Variants in FSIP1 observed in about 807,000 individuals in gnomAD.
FSIP1 encodes the protein fibrous sheath-interacting protein 1.
FSIP1 carries 65 observed loss-of-function variants against 60.9 expected under a neutral mutation model. The ratio of observed to expected loss-of-function variants is 1.07; its 90% confidence interval spans 0.87 to 1.31. The LOEUF (loss-of-function observed/expected upper bound fraction) is 1.31. Among genes scored for constraint, FSIP1 ranks in the 40% most tolerant of loss-of-function variants. FSIP1 has a pLI of 0.00. For missense variants in FSIP1, 675 were observed against 665.5 expected (o/e 1.01, Z -0.16); for synonymous variants, 209 against 221.2 (o/e 0.94, Z 0.49).
At chr15:39,696,768 G>C (rs1211291455) in intron 10 of FSIP1, among the ~76,000 whole-genome samples, 1 of 151,902 alleles carries the variant, frequency 6.6e-6, no homozygotes, top group Non-Finnish European at 1.5e-5. Context: ...AATGTATGTA[G>C]AATATGATCC....
intron 9 of FSIP1, among the ~76,000 whole-genome samples, chr15:39,721,976 C>T (rs1489008589): frequency 6.6e-6 from 1 of 152,170 alleles, no homozygotes; most frequent in East Asian, 1.9e-4. Context: ...GCTCCTGACC[C>T]CCCAGGCCAT....
chr15:39,748,508 G>A (rs1041168837), intron 5 of FSIP1, among the ~76,000 whole-genome samples: 4 of 152,020 alleles, frequency 2.6e-5, no homozygotes, highest in African/African-American at 9.7e-5. Context: ...AGCAAACTTG[G>A]CCCCTGGCAT....
At position 39,763,807 on chromosome 15, in the gene FSIP1, C is replaced by G; in HGVS notation, c.559+14G>C. 1 of 1,328,040 alleles carries G rather than the reference C, an allele frequency of 7.5e-7. No homozygotes were observed. Among genetic ancestry groups the G allele is most frequent in the Non-Finnish European group, 1.1e-6 (1 of 927,866 alleles). The allele number at this position is 1,328,040 out of a possible 1,614,324, so 82.3% of individuals were successfully genotyped here. On this transcript the variant is annotated intron_variant, in intron 5 of 11. Transcript: ENST00000350221. ...AGATAAAAACAAAGTTGAATGACAT[C>G]TCCATCTACTCACCAACAGTTTCTT...
chr15:39,666,861 A>G (rs998189838), intron 10 of FSIP1, among the ~76,000 whole-genome samples: 5 of 152,226 alleles, frequency 3.3e-5, no homozygotes, highest in African/African-American at 1.2e-4. Flanking sequence ...TTCCTATAAA[A>G]ATAGATGTCC....
chr15:39,656,533 G>C (rs1893077061), intron 10 of FSIP1, among the ~76,000 whole-genome samples: 1 of 152,186 alleles, frequency 6.6e-6, no homozygotes, highest in Non-Finnish European at 1.5e-5. Flanking sequence ...CTCTGACTCT[G>C]CCACTTACTA....
intron 10 of FSIP1, among the ~76,000 whole-genome samples, chr15:39,711,975 C>A (rs973953145): frequency 4.6e-5 from 7 of 152,048 alleles, no homozygotes; most frequent in African/African-American, 1.7e-4. Context: ...GCGTGAGCCA[C>A]CGCACCCAGC....
intron 3 of FSIP1, 106 bp from the exon 4 acceptor site, chr15:39,765,852 T>C (rs1897667427): frequency 5.0e-6 from 3 of 597,424 alleles, no homozygotes; most frequent in Non-Finnish European, 8.6e-6. Flanking sequence ...TTATAGCTGA[T>C]AGTAATAACT....
At chr15:39,738,012 T>C (rs1396815857) in intron 8 of FSIP1, 79 bp downstream of exon 8, 1 of 829,074 alleles carries the variant, frequency 1.2e-6, no homozygotes. Flanking sequence ...TTATTGTAAA[T>C]TTATGATACT....
At chr15:39,608,365 C>A (rs17633210) in intron 11 of FSIP1, among the ~76,000 whole-genome samples, 19,656 of 152,166 alleles carry the variant, frequency 0.13, 1,471 homozygotes, top group Non-Finnish European at 0.17. Context: ...GACAGATATG[C>A]ATCAGTGTGA....
At chr15:39,731,350 T>C (rs1048957395) in intron 8 of FSIP1, among the ~76,000 whole-genome samples, 1 of 152,164 alleles carries the variant, frequency 6.6e-6, no homozygotes. Context: ...ATTACCTAAT[T>C]ACTCACAAAC....
chr15:39,736,741 T>C (rs139066104), intron 8 of FSIP1, among the ~76,000 whole-genome samples: 1 of 152,188 alleles, frequency 6.6e-6, no homozygotes, highest in African/African-American at 2.4e-5. Flanking sequence ...AGTAATTCAC[T>C]GGGAGAGTGC....
At chr15:39,780,299 A>G (rs369033676) in intron 1 of FSIP1, among the ~76,000 whole-genome samples, 114 of 152,254 alleles carry the variant, frequency 7.5e-4, no homozygotes, top group East Asian at 1.5e-3. Flanking sequence ...CGAGGCGGGC[A>G]GATCACGAGG....
At chr15:39,725,283 C>G (rs1040371377) in intron 9 of FSIP1, among the ~76,000 whole-genome samples, 15 of 152,084 alleles carry the variant, frequency 9.9e-5, no homozygotes, top group African/African-American at 3.6e-4. Flanking sequence ...GACAAAGATT[C>G]CAATTATCTC....
intron 10 of FSIP1, among the ~76,000 whole-genome samples, chr15:39,670,224 G>A (rs900598556): frequency 6.6e-5 from 10 of 152,096 alleles, no homozygotes; most frequent in Non-Finnish European, 1.3e-4. Flanking sequence ...TTCATTCAAC[G>A]TCCAGAATGT....
chr15:39,633,755 G>A (rs1460106047), intron 10 of FSIP1, among the ~76,000 whole-genome samples: 1 of 152,090 alleles, frequency 6.6e-6, no homozygotes, highest in East Asian at 1.9e-4. Flanking sequence ...TCAACCTATA[G>A]TTCATATTTA....
chr15:39,688,264 G>A (rs539719273), intron 10 of FSIP1, among the ~76,000 whole-genome samples: 1 of 152,284 alleles, frequency 6.6e-6, no homozygotes, highest in Admixed American at 6.5e-5. Context: ...TAAACCCATT[G>A]TAAGTTGAAA....
chr15:39,685,850 T>C (rs967663874), intron 10 of FSIP1, among the ~76,000 whole-genome samples: 14 of 152,224 alleles, frequency 9.2e-5, no homozygotes, highest in African/African-American at 3.4e-4. Flanking sequence ...GCTTTAGCTG[T>C]GTCCCACGAT....
intron 9 of FSIP1, among the ~76,000 whole-genome samples, chr15:39,714,550 C>T (rs190237237): frequency 6.6e-6 from 1 of 150,868 alleles, no homozygotes; most frequent in African/African-American, 2.4e-5. Context: ...TCTTTCTCAC[C>T]GTCTTAGTTA....
chr15:39,749,945 TAATA>T (rs1897116598), intron 5 of FSIP1, among the ~76,000 whole-genome samples: 1 of 151,870 alleles, frequency 6.6e-6, no homozygotes, highest in Admixed American at 6.6e-5. Context: ...CTATTAGAAG[TAATA>T]AATAAATTCA....
Sources: gnomAD v4.1 joint callset for allele counts (sites outside exome capture counted in the v4.1 genomes callset) on GRCh38, gnomAD v4.1.1 for gene constraint, MANE v1.5 for transcripts, NCBI Gene and HGNC (gene_info 2026-07-23, HGNC 2026-07-21) for gene names.